PDIA4: variants seen among roughly 807,000 people sequenced by gnomAD.
PDIA4 encodes protein disulfide-isomerase A4.
In PDIA4, 33 loss-of-function variants were observed where a neutral mutation model predicts 62.1. The ratio of observed to expected loss-of-function variants is 0.53; its 90% CI spans 0.40 to 0.71. The LOEUF (loss-of-function observed/expected upper bound fraction) is 0.71. Ranked by LOEUF, PDIA4 falls within the 30% of genes least tolerant of loss-of-function variation. The pLI is 0.00. For synonymous variants in PDIA4, 341 were observed against 324.1 expected (o/e 1.05, Z -0.56); for missense variants, 804 against 813.6 (o/e 0.99, Z 0.14).
intron 3 of PDIA4, among the ~76,000 whole-genome samples, chr7:149,015,754 G>A (rs1025737426): frequency 6.6e-6 from 1 of 152,232 alleles, no homozygotes; most frequent in Non-Finnish European, 1.5e-5. Flanking sequence ...AGCCACTCCT[G>A]CAAAGCTGCA....
At chr7:149,008,804 C>T (rs1823846862) in intron 6 of PDIA4, among the ~76,000 whole-genome samples, 2 of 152,022 alleles carry the variant, frequency 1.3e-5, no homozygotes, top group South Asian at 2.1e-4. Flanking sequence ...AAAGGAGGTT[C>T]GTTTTTAAAA....
intron 3 of PDIA4, among the ~76,000 whole-genome samples, 186 bp downstream of exon 3, chr7:149,018,806 T>G: frequency 1.1e-4 from 1 of 8,714 alleles, no homozygotes. Flanking sequence ...CAACCCACCC[T>G]GCCCACCCCA....
intron 6 of PDIA4, among the ~76,000 whole-genome samples, chr7:149,009,735 C>T (rs1823881085): frequency 6.6e-6 from 1 of 152,236 alleles, no homozygotes; most frequent in Non-Finnish European, 1.5e-5. Context: ...GTGAAAGCAG[C>T]TGGACAGGGT....
At chr7:149,007,183 G>A (rs911541713) in intron 7 of PDIA4, among the ~76,000 whole-genome samples, 1 of 152,170 alleles carries the variant, frequency 6.6e-6, no homozygotes, top group Non-Finnish European at 1.5e-5. Flanking sequence ...CAGACCTTGA[G>A]AAAGAGGGAC....
intron 8 of PDIA4, 56 bp downstream of exon 8, chr7:149,005,841 G>GA: frequency 7.2e-7 from 1 of 1,387,088 alleles, no homozygotes; most frequent in Non-Finnish European, 9.5e-7. Flanking sequence ...CACCTTGCCT[G>GA]AAAGAACGAG....
In PDIA4 at chr7:149,016,746, C is replaced by T. The variant is rs141673288; in HGVS notation, c.476-1704G>A. Among the ~76,000 whole-genome samples, 755 of 152,208 alleles carry T rather than the reference C, an allele frequency of 5.0e-3. 8 individuals carry two copies. The highest frequency in any genetic ancestry group is 0.016 in the African/African-American group (685 of 41,524). On this transcript the variant is annotated intron_variant, in intron 3 of 9. Coordinates refer to ENST00000652332, the MANE Select transcript of PDIA4 (RefSeq NM_004911.5). ...CAGGATGGTCTCGATCTCCTGACCT[C>T]GTGATCCACCGACCTTGGCCTCCCA...
chr7:149,013,869 C>T (rs914940876), intron 4 of PDIA4, among the ~76,000 whole-genome samples: 6 of 152,104 alleles, frequency 3.9e-5, no homozygotes, highest in Non-Finnish European at 5.9e-5. Context: ...GGCTCCTGAG[C>T]GAGCCACAAA....
In PDIA4 at chr7:149,005,997, C is replaced by T. The variant is rs778352456; in HGVS notation, c.1188G>A (p.Leu396=). The change falls in exon 8 of 10, where the codon CTG becomes CTA. Residue 396 remains leucine, a synonymous_variant. Coordinates refer to ENST00000652332, the MANE Select transcript of PDIA4 (RefSeq NM_004911.5). ...KDFVLKYALP[L]VGHRKVSNDA... ...CGTTTGACACCTTGCGGTGGCCAACCAGGGGCAGGGCGTACTTCAGCACGA... is the reference window on the plus strand; with the variant it reads ...CGTTTGACACCTTGCGGTGGCCAACTAGGGGCAGGGCGTACTTCAGCACGA... 8 of 1,547,646 alleles carry T rather than the reference C, an allele frequency of 5.2e-6. No individual in the cohort carries two copies. The highest frequency in any genetic ancestry group is 6.9e-6 in the Non-Finnish European group (8 of 1,156,210).
At chr7:149,011,738 CA>C (rs1823950948) in intron 6 of PDIA4, 107 bp downstream of exon 6, 5 of 885,722 alleles carry the variant, frequency 5.6e-6, no homozygotes, top group Non-Finnish European at 8.4e-6. Context: ...AGAGATGGCT[CA>C]TCAAACCACC....
chr7:149,005,065 C>T (rs28532077), intron 9 of PDIA4, 76 bp downstream of exon 9: 222,855 of 1,157,178 alleles, frequency 0.19, 22,962 homozygotes, highest in African/African-American at 0.3. Flanking sequence ...GAGCACCAGA[C>T]GCCCCTGGCC....
At chr7:149,021,662 AAAT>A (rs1359117920) in intron 1 of PDIA4, among the ~76,000 whole-genome samples, 11 of 152,212 alleles carry the variant, frequency 7.2e-5, no homozygotes, top group East Asian at 3.9e-4. Context: ...GGTCATGGCT[AAAT>A]AATATTTGAA....
intron 1 of PDIA4, among the ~76,000 whole-genome samples, chr7:149,023,614 G>A (rs1357301657): frequency 6.6e-6 from 1 of 151,994 alleles, no homozygotes; most frequent in Admixed American, 6.6e-5. Flanking sequence ...GCAAGCAGAT[G>A]GATGGGAAGA....
chr7:149,004,042 C>A lies in PDIA4; in HGVS notation c.1690G>T (p.Val564Leu). The stretch of plus-strand genomic sequence containing the variant: ...TACTTCTTGGCCAGGCTGTTGTACA[C>A]GGGCTCTAGCTGCTTGCAGTGCCCG... ...WCGHCKQLEP[V>L]YNSLAKKYKG... Residue 564 changes from valine to leucine, a missense_variant, in exon 10 of 10, where the codon GTG becomes TTG. By Grantham distance (32) the Val-to-Leu change is conservative. Coordinates refer to ENST00000652332, the MANE Select transcript of PDIA4 (RefSeq NM_004911.5). 1 of 1,614,190 alleles carries A rather than the reference C, an allele frequency of 6.2e-7. No homozygotes were observed. The highest frequency in any genetic ancestry group is 8.5e-7 in the Non-Finnish European group (1 of 1,180,032).
intron 3 of PDIA4, 82 bp from the exon 4 acceptor site, chr7:149,015,124 G>C (rs1350016165): frequency 1.7e-5 from 24 of 1,438,224 alleles, no homozygotes; most frequent in Non-Finnish European, 1.4e-5. Flanking sequence ...GATGAGGAGG[G>C]GGAAGAAAGC....
chr7:149,022,996 C>T (rs75650023), intron 1 of PDIA4, among the ~76,000 whole-genome samples: 218 of 152,254 alleles, frequency 1.4e-3, no homozygotes, highest in Non-Finnish European at 2.0e-3. Flanking sequence ...CCTCTTTTGT[C>T]GGAGGAGGGA....
chr7:149,008,120 G>A (rs368854887), intron 7 of PDIA4, 39 bp downstream of exon 7: 61 of 1,594,560 alleles, frequency 3.8e-5, no homozygotes, highest in Non-Finnish European at 4.5e-5. Context: ...TCATGCCTGC[G>A]GGGTGTCCAG....
At chr7:149,028,197 C>T (rs1824627681) in intron 1 of PDIA4, 124 bp downstream of exon 1, 3 of 671,280 alleles carry the variant, frequency 4.5e-6, no homozygotes, top group Admixed American at 3.0e-5. Context: ...GGGCTCGGCG[C>T]CCATCACTAG....
intron 1 of PDIA4, among the ~76,000 whole-genome samples, chr7:149,025,950 G>C (rs546919684): frequency 4.6e-5 from 7 of 152,112 alleles, no homozygotes; most frequent in Non-Finnish European, 8.8e-5. Flanking sequence ...GGCACCTTCT[G>C]AGACACGGAA....
At chr7:149,017,733 T>TA (rs1230987389) in intron 3 of PDIA4, among the ~76,000 whole-genome samples, 5 of 152,194 alleles carry the variant, frequency 3.3e-5, no homozygotes, top group African/African-American at 9.7e-5. Flanking sequence ...TAAAATTAAA[T>TA]AAAAATCAAA....
Sources: gnomAD v4.1 joint callset for allele counts (sites outside exome capture counted in the v4.1 genomes callset) on GRCh38, gnomAD v4.1.1 for gene constraint, MANE v1.5 for transcripts, NCBI Gene and HGNC (gene_info 2026-07-23, HGNC 2026-07-21) for gene names.